The following MYO5A variants were observed in gnomAD, a reference collection of about 807,000 sequenced individuals.
MYO5A encodes myosin VA, also known as unconventional myosin-Va.
Under a neutral mutation model 249.7 loss-of-function variants are expected in MYO5A, and 98 were observed. That is an observed-to-expected ratio of 0.39 (90% CI 0.33 to 0.46). The LOEUF (loss-of-function observed/expected upper bound fraction) is 0.46. Ranked by LOEUF, MYO5A falls within the 20% of genes least tolerant of loss-of-function variation. MYO5A has a pLI of 0.98. For missense variants in MYO5A, 1,696 were observed against 2,308.8 expected (o/e 0.73, Z 5.44); for synonymous variants, 778 against 810.6 (o/e 0.96, Z 0.68).
chr15:52,436,539 C>G (rs1301530734), intron 1 of MYO5A, among the ~76,000 whole-genome samples: 1 of 152,212 alleles, frequency 6.6e-6, no homozygotes, highest in Non-Finnish European at 1.5e-5. Context: ...TTACCATTCT[C>G]TATTTTACAT....
In MYO5A at chr15:52,526,422, C is replaced by T. The variant is rs184950089; in HGVS notation, c.27+2358G>A. Among the ~76,000 whole-genome samples the T allele has an allele frequency of 2.6e-3, 390 of 152,032 alleles. 4 individuals are homozygous for T. The highest frequency in any genetic ancestry group is 9.0e-3 in the African/African-American group (372 of 41,488). ...GAGTTTCGCTCTTGTTGCCCAGGCT[C>T]GCGATCTTGGTTCACTGCAACCTCC... is the stretch of plus-strand genomic sequence containing the variant. On this transcript the variant is annotated intron_variant, in intron 1 of 41. Coordinates refer to ENST00000399233, the MANE Select transcript of MYO5A (RefSeq NM_001382347.1).
intron 14 of MYO5A, among the ~76,000 whole-genome samples, chr15:52,386,440 A>G (rs1320731848): frequency 6.6e-6 from 1 of 152,206 alleles, no homozygotes; most frequent in African/African-American, 2.4e-5. Flanking sequence ...TCAAACCAAT[A>G]AAGATCTTTA....
intron 13 of MYO5A, among the ~76,000 whole-genome samples, chr15:52,388,407 A>T (rs908999340): frequency 2.6e-5 from 4 of 152,242 alleles, no homozygotes; most frequent in African/African-American, 9.6e-5. Context: ...GTAAAGCAGG[A>T]CTACTTGAGA....
intron 25 of MYO5A, among the ~76,000 whole-genome samples, chr15:52,354,221 A>G (rs1209254685): frequency 1.3e-5 from 2 of 152,250 alleles, no homozygotes; most frequent in African/African-American, 4.8e-5. Flanking sequence ...CTTCTCCCCT[A>G]TCAGACTGGC....
chr15:52,326,821 G>C (rs1034205990), intron 36 of MYO5A, among the ~76,000 whole-genome samples: 2 of 152,188 alleles, frequency 1.3e-5, no homozygotes, highest in Middle Eastern at 6.8e-3. Flanking sequence ...AAAAGCTCTC[G>C]TTAAGTTTGA....
intron 1 of MYO5A, among the ~76,000 whole-genome samples, chr15:52,484,339 T>G (rs2076774703): frequency 6.6e-6 from 1 of 152,214 alleles, no homozygotes. Context: ...CCTTCCTTTT[T>G]GTTTTTAGAA....
intron 1 of MYO5A, among the ~76,000 whole-genome samples, chr15:52,506,788 T>C (rs543968231): frequency 1.3e-5 from 2 of 151,772 alleles, no homozygotes; most frequent in South Asian, 2.1e-4. Context: ...TGAGCCGAGA[T>C]TGTGCCACTG....
At chr15:52,383,651 G>C (rs74013505) in intron 15 of MYO5A, among the ~76,000 whole-genome samples, 5,473 of 152,252 alleles carry the variant, frequency 0.036, 305 homozygotes, top group African/African-American at 0.12. Flanking sequence ...ATCAGGACTG[G>C]AGGCTGTGGA....
chr15:52,483,541 C>CAACA (rs1567168810), intron 1 of MYO5A, among the ~76,000 whole-genome samples: 2 of 151,892 alleles, frequency 1.3e-5, no homozygotes, highest in South Asian at 2.1e-4. Context: ...ACAACAACAA[C>CAACA]AAAAAACTAT....
chr15:52,415,237 C>T (rs948707085), intron 5 of MYO5A, among the ~76,000 whole-genome samples: 2 of 152,160 alleles, frequency 1.3e-5, no homozygotes, highest in Non-Finnish European at 2.9e-5. Context: ...TAAAAAAATG[C>T]CGATTTGAAT....
At chr15:52,381,464 T>C (rs1222519277) in intron 16 of MYO5A, among the ~76,000 whole-genome samples, 1 of 152,176 alleles carries the variant, frequency 6.6e-6, no homozygotes, top group Admixed American at 6.5e-5. Context: ...CTTTGTTAAG[T>C]GTGCCTGGTC....
intron 12 of MYO5A, among the ~76,000 whole-genome samples, chr15:52,391,162 A>G (rs1433861278): frequency 6.6e-6 from 1 of 152,238 alleles, no homozygotes; most frequent in East Asian, 1.9e-4. Context: ...GAATGAATTC[A>G]TGCTTTTCAT....
chr15:52,378,515 C>CA lies in MYO5A; in HGVS notation c.2208+1109dup, dbSNP rs55803737. On this transcript the variant is annotated intron_variant, in intron 18 of 41. Coordinates refer to ENST00000399233, the MANE Select transcript of MYO5A (RefSeq NM_001382347.1). ...CCTGGGTGAAAGAGCAAGACTGTCT[C>CA]AAAAAAAAAAAAAAAAGAAGGGAAT... 3.4e-3 allele frequency among the ~76,000 whole-genome samples: 36 copies of CA among 10,470 alleles called. 2 individuals carry two copies. Among genetic ancestry groups the CA allele is most frequent in the African/African-American group, 5.1e-3 (34 of 6,720 alleles). The allele number at this position is 10,470 out of a possible 152,430, so 6.9% of individuals were successfully genotyped here. A position where few individuals can be genotyped will look rare whatever the true frequency, so the allele number is the denominator to read the frequency against.
chr15:52,444,794 A>G (rs11853455), intron 1 of MYO5A, among the ~76,000 whole-genome samples: 22,434 of 152,198 alleles, frequency 0.15, 1,781 homozygotes, highest in Middle Eastern at 0.22. Flanking sequence ...TAGACTATCT[A>G]TCACCCTGAT....
intron 25 of MYO5A, among the ~76,000 whole-genome samples, chr15:52,355,342 A>C (rs996683177): frequency 1.3e-5 from 2 of 152,210 alleles, no homozygotes; most frequent in African/African-American, 4.8e-5. Context: ...CCAAACAATA[A>C]AAATGAAAAT....
chr15:52,330,369 A>T lies in MYO5A; in HGVS notation c.4539T>A (p.Val1513=). 2 of 1,614,120 alleles carry T rather than the reference A, an allele frequency of 1.2e-6. No homozygotes were observed. Among genetic ancestry groups the T allele is most frequent in the Middle Eastern group, 3.3e-4 (2 of 6,062 alleles). Residue 1513 remains valine, a synonymous_variant, in exon 35 of 42, where the codon GTT becomes GTA. Coordinates refer to ENST00000399233, the MANE Select transcript of MYO5A (RefSeq NM_001382347.1). ...EYKKEDEQKL[V]KNLILELKPR... ...AATACTTGCCCAGAATCAGGTTCTT[A>T]ACAAGTTTTTGCTCATCCTCCTTCT...
chr15:52,434,843 C>T (rs2075626558), intron 1 of MYO5A, among the ~76,000 whole-genome samples: 1 of 152,168 alleles, frequency 6.6e-6, no homozygotes, highest in Admixed American at 6.5e-5. Context: ...AAAGACATGA[C>T]ACAATCAATC....
At chr15:52,376,840 T>A (rs1254271506) in intron 18 of MYO5A, among the ~76,000 whole-genome samples, 1 of 152,200 alleles carries the variant, frequency 6.6e-6, no homozygotes, top group South Asian at 2.1e-4. Flanking sequence ...AGGCAGTTAT[T>A]ATTTGCTTGT....
chr15:52,400,354 T>C (rs985827912), intron 9 of MYO5A, among the ~76,000 whole-genome samples: 3 of 152,208 alleles, frequency 2.0e-5, no homozygotes, highest in African/African-American at 7.2e-5. Flanking sequence ...TGGAGATTCA[T>C]TTTATATTTT....
Sources: gnomAD v4.1 joint callset for allele counts (sites outside exome capture counted in the v4.1 genomes callset) on GRCh38, gnomAD v4.1.1 for gene constraint, MANE v1.5 for transcripts, NCBI Gene and HGNC (gene_info 2026-07-23, HGNC 2026-07-21) for gene names.